The following FAT3 variants were observed in gnomAD, a reference collection of about 807,000 sequenced individuals.
The protein encoded by FAT3 is FAT atypical cadherin 3.
A neutral mutation model predicts 310.2 loss-of-function variants in FAT3; 95 were observed. That is an observed-to-expected ratio of 0.31 (90% CI 0.26 to 0.36). The LOEUF is 0.36. Among genes scored for constraint, FAT3 ranks in the 10% least tolerant of loss-of-function variants. FAT3 has a pLI of 1.00. For synonymous variants in FAT3, 2,314 were observed against 2,192.9 expected (o/e 1.06, Z -1.54); for missense variants, 5,408 against 5,715.6 (o/e 0.95, Z 1.74).
In FAT3 at chr11:92,800,041, G is replaced by A. The variant is rs1267883889; in HGVS notation, c.7028G>A (p.Ser2343Asn). The A allele has an allele frequency of 6.2e-7, 1 of 1,613,952 alleles. No individual in the cohort carries two copies. Among genetic ancestry groups the A allele is most frequent in the Non-Finnish European group, 8.5e-7 (1 of 1,179,868 alleles). Reference protein sequence around the residue: ...STDYFHIDSSSGLILTARMLD... With the variant: ...STDYFHIDSSNGLILTARMLD... The stretch of plus-strand genomic sequence containing the variant: ...GATTATTTTCACATAGATAGCTCAA[G>A]TGGCTTAATCCTGACAGCACGAATG... The change falls in exon 10 of 28, where the codon AGT (serine) becomes AAT (asparagine). Residue 2343 changes from serine to asparagine, a missense_variant. Ser to Asn is a conservative substitution (Grantham distance 46, BLOSUM62 1). Around this residue, in one of 5 missense-constraint regions of FAT3, gnomAD observed 4,588 missense variants for 4,809.8 expected, o/e 0.95. Coordinates refer to ENST00000525166, the MANE Select transcript of FAT3 (RefSeq NM_001367949.2).
intron 3 of FAT3, among the ~76,000 whole-genome samples, chr11:92,602,308 G>C (rs1940068433): frequency 6.6e-6 from 1 of 152,132 alleles, no homozygotes; most frequent in Non-Finnish European, 1.5e-5. Flanking sequence ...TCACCATGTT[G>C]GCCAGGCTGG....
At chr11:92,685,736 G>A (rs1394250698) in intron 3 of FAT3, among the ~76,000 whole-genome samples, 1 of 151,888 alleles carries the variant, frequency 6.6e-6, no homozygotes, top group Non-Finnish European at 1.5e-5. Context: ...TTCCTTTAAT[G>A]AACATTAAGT....
intron 1 of FAT3, among the ~76,000 whole-genome samples, chr11:92,238,093 A>G (rs934680447): frequency 2.0e-5 from 3 of 152,106 alleles, no homozygotes; most frequent in Non-Finnish European, 2.9e-5. Flanking sequence ...ATTTGAATCT[A>G]AAGCTCTTGT....
chr11:92,341,820 A>G (rs1948269558), intron 1 of FAT3, among the ~76,000 whole-genome samples: 1 of 151,996 alleles, frequency 6.6e-6, no homozygotes, highest in Admixed American at 6.6e-5. Flanking sequence ...TTCGTGATAT[A>G]TTGTTTCTTT....
At chr11:92,669,104 A>G (rs1316109031) in intron 3 of FAT3, among the ~76,000 whole-genome samples, 2 of 152,216 alleles carry the variant, frequency 1.3e-5, no homozygotes, top group African/African-American at 2.4e-5. Flanking sequence ...ATCAACTTTG[A>G]CTTTTCTAGA....
intron 1 of FAT3, among the ~76,000 whole-genome samples, chr11:92,304,405 G>A (rs1265821858): frequency 6.6e-6 from 1 of 152,094 alleles, no homozygotes; most frequent in East Asian, 1.9e-4. Flanking sequence ...AACTGATGAA[G>A]ACTTGTCCAT....
chr11:92,566,245 G>A (rs1281284733), intron 3 of FAT3, among the ~76,000 whole-genome samples: 2 of 152,080 alleles, frequency 1.3e-5, no homozygotes, highest in Non-Finnish European at 2.9e-5. Context: ...ACCAATAACA[G>A]ACAAACAGAG....
chr11:92,550,510 A>G (rs1188126882), intron 3 of FAT3, among the ~76,000 whole-genome samples: 2 of 152,170 alleles, frequency 1.3e-5, no homozygotes, highest in Non-Finnish European at 2.9e-5. Flanking sequence ...TTGTGACTTC[A>G]TTGCATTAGA....
At chr11:92,732,478 A>C (rs1314929790) in intron 4 of FAT3, among the ~76,000 whole-genome samples, 2 of 152,128 alleles carry the variant, frequency 1.3e-5, no homozygotes, top group Admixed American at 6.6e-5. Context: ...TTATACCCTC[A>C]ATGCATTTAT....
At chr11:92,541,705 A>G (rs1954454375) in intron 3 of FAT3, among the ~76,000 whole-genome samples, 1 of 152,140 alleles carries the variant, frequency 6.6e-6, no homozygotes, top group Non-Finnish European at 1.5e-5. Flanking sequence ...TGGTTAACAC[A>G]GTGCCATGGT....
chr11:92,340,462 C>A (rs905303886), intron 1 of FAT3, among the ~76,000 whole-genome samples: 1 of 152,196 alleles, frequency 6.6e-6, no homozygotes, highest in Admixed American at 6.5e-5. Context: ...TGTATTTGAG[C>A]TCACTGAGTT....
At position 92,499,948 on chromosome 11, in the gene FAT3, G is replaced by A. The variant is rs187744041; in HGVS notation, c.3293-24686G>A. Among the ~76,000 whole-genome samples, 10 of 152,078 alleles carry A rather than the reference G, an allele frequency of 6.6e-5. No individual in the cohort carries two copies. The East Asian group carries it at 1.7e-3, about 27-fold the overall frequency. ...TCCATTCCCTTTACAAATGTCAGGG[G>A]TCTGATAGCTATAGAAATTTCTGAT... is the stretch of plus-strand genomic sequence containing the variant. On this transcript the variant is annotated intron_variant, in intron 2 of 27. Transcript: ENST00000525166.
At chr11:92,335,514 A>G (rs1462544090) in intron 1 of FAT3, among the ~76,000 whole-genome samples, 1 of 152,188 alleles carries the variant, frequency 6.6e-6, no homozygotes, top group African/African-American at 2.4e-5. Flanking sequence ...TGTGCTGTAA[A>G]GCTCAGGTGT....
At chr11:92,339,199 G>A (rs1948173526) in intron 1 of FAT3, among the ~76,000 whole-genome samples, 1 of 152,128 alleles carries the variant, frequency 6.6e-6, no homozygotes, top group Non-Finnish European at 1.5e-5. Context: ...GCTGTCCTGG[G>A]TAGGACATTT....
chr11:92,288,002 A>G (rs995900560), intron 1 of FAT3, among the ~76,000 whole-genome samples: 1 of 152,172 alleles, frequency 6.6e-6, no homozygotes, highest in East Asian at 1.9e-4. Context: ...TCTTTGTAAA[A>G]TGGAAGTTGT....
intron 3 of FAT3, among the ~76,000 whole-genome samples, chr11:92,660,395 C>G (rs1942740344): frequency 6.6e-6 from 1 of 151,914 alleles, no homozygotes; most frequent in African/African-American, 2.4e-5. Context: ...TTTATAATGT[C>G]CTAGAAAGTG....
At chr11:92,309,165 C>G (rs929491084) in intron 1 of FAT3, among the ~76,000 whole-genome samples, 3 of 147,868 alleles carry the variant, frequency 2.0e-5, no homozygotes, top group African/African-American at 7.6e-5. Flanking sequence ...CCACACCCCC[C>G]TTTCCTGCAA....
intron 3 of FAT3, among the ~76,000 whole-genome samples, chr11:92,668,519 G>A (rs1382162172): frequency 6.6e-6 from 1 of 152,164 alleles, no homozygotes; most frequent in Non-Finnish European, 1.5e-5. Context: ...AAATAAGACT[G>A]GGTGTTGGAC....
intron 2 of FAT3, among the ~76,000 whole-genome samples, chr11:92,449,528 T>G (rs1224806420): frequency 6.6e-6 from 1 of 152,034 alleles, no homozygotes; most frequent in East Asian, 1.9e-4. Context: ...TCCTTAGAAA[T>G]GAATAGAATG....
Sources: gnomAD v4.1 joint callset for allele counts (sites outside exome capture counted in the v4.1 genomes callset) on GRCh38, gnomAD v4.1.1 for gene constraint, gnomAD v4.1.1 regional missense constraint, MANE v1.5 for transcripts, NCBI Gene and HGNC (gene_info 2026-07-23, HGNC 2026-07-21) for gene names.